Variants in MBLAC2 observed in about 807,000 individuals in gnomAD.
MBLAC2 encodes the protein metallo-beta-lactamase domain containing 2, also known as acyl-coenzyme A thioesterase MBLAC2.
In MBLAC2, 24 loss-of-function variants were observed where a neutral mutation model predicts 23.3. The observed-to-expected ratio is 1.03, with a 90% CI of 0.75 to 1.45. The LOEUF (loss-of-function observed/expected upper bound fraction) is 1.45, where lower values mean the gene tolerates loss of function less well. Ranked by LOEUF, MBLAC2 falls within the 40% of genes most tolerant of loss-of-function variation. MBLAC2 has a pLI of 0.00. For synonymous variants in MBLAC2, 162 were observed against 150.9 expected (o/e 1.07, Z -0.54); for missense variants, 358 against 370.0 (o/e 0.97, Z 0.27).
chr5:90,468,982 A>G (rs1345008861), intron 1 of MBLAC2, among the ~76,000 whole-genome samples: 6 of 152,220 alleles, frequency 3.9e-5, no homozygotes, highest in Non-Finnish European at 7.3e-5. Context: ...AAAAGTCTGA[A>G]AGAGCATAAA....
rs1239772640 is a variant in MBLAC2 at position 90,474,685 on chromosome 5, G to A, written c.-393C>T. On this transcript the variant is annotated 5_prime_UTR_variant, in exon 1 of 2. Transcript: ENST00000316610. Reference sequence around the variant, plus strand: ...GACAGCAGAGGCCCGCAGTGAGGGTGGGAAGAGCTAGAACCGCCCACCCAC... The same window carrying A: ...GACAGCAGAGGCCCGCAGTGAGGGTAGGAAGAGCTAGAACCGCCCACCCAC... 1.1e-5 allele frequency: 3 copies of A among 269,046 alleles called. No homozygotes were observed. The highest frequency in any genetic ancestry group is 7.2e-5 in the South Asian group (2 of 27,590). The allele number at this position is 269,046 out of a possible 1,614,324, so 16.7% of individuals were successfully genotyped here.
At chr5:90,470,591 A>G (rs558012343) in intron 1 of MBLAC2, among the ~76,000 whole-genome samples, 3 of 152,230 alleles carry the variant, frequency 2.0e-5, no homozygotes, top group Admixed American at 6.5e-5. Flanking sequence ...ATTCCTCTAC[A>G]TTGGTATCTT....
chr5:90,464,730 T>C (rs1428267582), intron 1 of MBLAC2, among the ~76,000 whole-genome samples: 1 of 152,154 alleles, frequency 6.6e-6, no homozygotes, highest in African/African-American at 2.4e-5. Flanking sequence ...AAGTTTGGTT[T>C]AACTAGTGAA....
chr5:90,459,735 G>A lies in MBLAC2; in HGVS notation c.*1432C>T, dbSNP rs2151890854. The A allele has an allele frequency of 6.6e-6, 1 of 152,418 alleles. No homozygotes were observed. The highest frequency in any genetic ancestry group is 6.5e-5 in the Admixed American group (1 of 15,278). 9.4% of individuals were successfully genotyped at this position (152,418 alleles called of 1,614,324 possible). A position where few individuals can be genotyped will look rare whatever the true frequency, so the allele number is the denominator to read the frequency against. ...CAGTGTTTAGCGCTGTGCTACACAT[G>A]TATATATGTGGCTGTGTGTGTTTGC... On this transcript the variant is annotated 3_prime_UTR_variant, in exon 2 of 2. Coordinates refer to ENST00000316610, the MANE Select transcript of MBLAC2 (RefSeq NM_203406.2).
intron 1 of MBLAC2, among the ~76,000 whole-genome samples, chr5:90,467,173 T>G (rs761721791): frequency 1.3e-5 from 2 of 152,184 alleles, no homozygotes; most frequent in Non-Finnish European, 2.9e-5. Context: ...GGTAGAATGT[T>G]CTGTAAATAT....
Position 90,473,962 on chromosome 5 carries a change from C to A in MBLAC2, c.331G>T (p.Gly111Trp). ...HHAEAEALAR[G>W]DNFETVTWLS... is the part of the protein sequence containing the mutation. ...CAGGTCACGGTCTCAAAGTTGTCCC[C>A]GCGAGCCAGCGCCTCGGCCTCGGCG... Residue 111 changes from glycine to tryptophan, a missense_variant, in exon 1 of 2, where the codon GGG (glycine) becomes TGG (tryptophan). Transcript: ENST00000316610. 1.3e-6 allele frequency: 2 copies of A among 1,598,958 alleles called. No homozygotes were observed. Among genetic ancestry groups the A allele is most frequent in the East Asian group, 4.5e-5 (2 of 44,158 alleles).
intron 1 of MBLAC2, chr5:90,473,321 ATCACT>A (rs1750599850): frequency 4.1e-6 from 1 of 243,622 alleles, no homozygotes; most frequent in African/African-American, 2.3e-5. Flanking sequence ...GCGGATTGGA[ATCACT>A]GGTCTGATGA....
intron 1 of MBLAC2, among the ~76,000 whole-genome samples, chr5:90,464,009 A>C (rs1750411115): frequency 6.6e-6 from 1 of 152,210 alleles, no homozygotes; most frequent in Non-Finnish European, 1.5e-5. Flanking sequence ...TATTCTTAAA[A>C]AGAGACAAAT....
At chr5:90,470,754 GCGCACACACACA>G (rs1488903316) in intron 1 of MBLAC2, among the ~76,000 whole-genome samples, 1 of 112,454 alleles carries the variant, frequency 8.9e-6, no homozygotes, top group Admixed American at 9.8e-5. Context: ...ACTAGCGCGC[GCGCACACACACA>G]CACACACACA....
At position 90,461,325 on chromosome 5, in the gene MBLAC2, G is replaced by A. The variant is rs1750362606; in HGVS notation, c.682C>T (p.Leu228Phe). ...CCAAAGGTATTGAAGTGCCCAGGAA[G>A]CACCTTCTCTACCAGACCTCTGTCC... ...LVDRGLVEKV[L>F]PGHFNTFGAE... is the part of the protein sequence containing the mutation. Residue 228 changes from leucine (L) to phenylalanine (F), a missense_variant, in exon 2 of 2, where the codon CTT (leucine) becomes TTT (phenylalanine). Leu to Phe is a conservative substitution (Grantham distance 22). Coordinates refer to ENST00000316610, the MANE Select transcript of MBLAC2 (RefSeq NM_203406.2). 8.1e-6 allele frequency: 13 copies of A among 1,614,050 alleles called. No individual in the cohort carries two copies. Among genetic ancestry groups the A allele is most frequent in the Non-Finnish European group, 1.1e-5 (13 of 1,180,034 alleles).
intron 1 of MBLAC2, among the ~76,000 whole-genome samples, chr5:90,461,936 A>G (rs1750375050): frequency 6.6e-6 from 1 of 152,258 alleles, no homozygotes; most frequent in Non-Finnish European, 1.5e-5. Flanking sequence ...CAAAGTAGAT[A>G]TAGTTGTACA....
chr5:90,461,282 C>T lies in MBLAC2; in HGVS notation c.725G>A (p.Arg242Gln), dbSNP rs138169398. The change falls in exon 2 of 2, where the codon CGA (arginine) becomes CAA (glutamine). Residue 242 changes from arginine to glutamine, a missense_variant. By Grantham distance (43) the Arg-to-Gln change is conservative. Coordinates refer to ENST00000316610, the MANE Select transcript of MBLAC2 (RefSeq NM_203406.2). ...TTTTGAAATATAGTTAGAAGCCAAT[C>T]GAAAAAGCCTTTCAGCACCAAAGGT... is the stretch of plus-strand genomic sequence containing the variant. Reference protein sequence around the residue: ...FNTFGAERLFRLASNYISKAG... With the variant: ...FNTFGAERLFQLASNYISKAG... 7 of 1,614,070 alleles carry T rather than the reference C, an allele frequency of 4.3e-6. No individual in the cohort carries two copies. The highest frequency in any genetic ancestry group is 4.0e-5 in the African/African-American group (3 of 75,018).
rs1369360083 is a variant in MBLAC2, at chr5:90,461,279, A to C, written c.728T>G (p.Leu243Trp). Residue 243 changes from leucine to tryptophan, a missense_variant, in exon 2 of 2, where the codon TTG becomes TGG. Leu to Trp is a moderately conservative substitution (Grantham distance 61). Transcript: ENST00000316610. Reference protein sequence around the residue: ...NTFGAERLFRLASNYISKAGI... With the variant: ...NTFGAERLFRWASNYISKAGI... Reference sequence around the variant, plus strand: ...AGCTTTTGAAATATAGTTAGAAGCCAATCGAAAAAGCCTTTCAGCACCAAA... The same window carrying C: ...AGCTTTTGAAATATAGTTAGAAGCCCATCGAAAAAGCCTTTCAGCACCAAA... 6.2e-7 allele frequency: 1 copy of C among 1,614,070 alleles called. No homozygotes were observed.
chr5:90,460,739 A>G lies in MBLAC2; in HGVS notation c.*428T>C, dbSNP rs1157617127. On this transcript the variant is annotated 3_prime_UTR_variant, in exon 2 of 2. Transcript: ENST00000316610. ...TCTGCATTAAGTTCTAATGTATTTT[A>G]AACCCAAGAACCTTTATCTTTAAAT... The G allele has an allele frequency of 6.5e-6, 1 of 154,004 alleles. No homozygotes were observed. Among genetic ancestry groups the G allele is most frequent in the Non-Finnish European group, 1.4e-5 (1 of 69,286 alleles). 9.5% of individuals were successfully genotyped at this position (154,004 alleles called of 1,614,324 possible). A position where few individuals can be genotyped will look rare whatever the true frequency, so the allele number is the denominator to read the frequency against.
chr5:90,465,532 C>A (rs1273757795), intron 1 of MBLAC2, among the ~76,000 whole-genome samples: 2 of 152,122 alleles, frequency 1.3e-5, no homozygotes, highest in African/African-American at 4.8e-5. Flanking sequence ...GCTAATGGTG[C>A]TTGAAATAAA....
rs1433381962 is a variant in MBLAC2 at position 90,461,178 on chromosome 5, T to C, written c.829A>G (p.Thr277Ala). The change falls in exon 2 of 2, where the codon ACC (threonine) becomes GCC (alanine). Residue 277 changes from threonine to alanine, a missense_variant. Physicochemically the swap from Thr to Ala is moderately conservative, Grantham distance 58. Coordinates refer to ENST00000316610, the MANE Select transcript of MBLAC2 (RefSeq NM_203406.2). ...TATCAGTATAGATACTAGGGCGAGG[T>C]CCTAGAATTTGTTACACGTAGAGCT... ...SLALRVTNSR[T>A]SP 6.3e-7 allele frequency: 1 copy of C among 1,599,466 alleles called. No individual in the cohort carries two copies. The highest frequency in any genetic ancestry group is 1.1e-5 in the South Asian group (1 of 88,286).
At position 90,461,165 on chromosome 5, in the gene MBLAC2, T is replaced by C. The variant is rs1483957511; in HGVS notation, c.*2A>G. ...AATCAAAATATATTATCAGTATAGATACTAGGGCGAGGTCCTAGAATTTGT... is the reference window on the plus strand; with the variant it reads ...AATCAAAATATATTATCAGTATAGACACTAGGGCGAGGTCCTAGAATTTGT... On this transcript the variant is annotated 3_prime_UTR_variant, in exon 2 of 2. Transcript: ENST00000316610. 1.3e-6 allele frequency: 2 copies of C among 1,580,920 alleles called. No individual in the cohort carries two copies. Among genetic ancestry groups the C allele is most frequent in the Non-Finnish European group, 1.7e-6 (2 of 1,167,250 alleles).
At chr5:90,462,181 C>T (rs1464750952) in intron 1 of MBLAC2, among the ~76,000 whole-genome samples, 4 of 152,140 alleles carry the variant, frequency 2.6e-5, no homozygotes, top group Non-Finnish European at 2.9e-5. Flanking sequence ...TGTCAGAATA[C>T]ATTAAACTCT....
chr5:90,470,439 T>C (rs1200776680), intron 1 of MBLAC2, among the ~76,000 whole-genome samples: 1 of 151,986 alleles, frequency 6.6e-6, no homozygotes, highest in African/African-American at 2.4e-5. Flanking sequence ...TATCAAAATA[T>C]CACACGTACC....
Sources: allele counts gnomAD v4.1 joint callset (sites outside exome capture counted in the v4.1 genomes callset), GRCh38; gene constraint gnomAD v4.1.1; transcripts MANE v1.5; gene names NCBI Gene and HGNC (gene_info 2026-07-23, HGNC 2026-07-21).